Variants in PLEKHG6 observed in about 807,000 individuals in gnomAD.
The protein encoded by PLEKHG6 is pleckstrin homology and RhoGEF domain containing G6.
In PLEKHG6, 91 loss-of-function variants were observed where a neutral mutation model predicts 97.5. The observed-to-expected ratio is 0.93, with a 90% CI of 0.79 to 1.11. PLEKHG6 has a LOEUF of 1.11. Ranked by LOEUF, PLEKHG6 falls within the 50% of genes most tolerant of loss-of-function variation. The pLI is 0.00. For synonymous variants in PLEKHG6, 466 were observed against 425.5 expected (o/e 1.10, Z -1.17); for missense variants, 1,044 against 1,031.0 (o/e 1.01, Z -0.17).
chr12:6,326,323 T>A (rs1346875427), intron 13 of PLEKHG6, 105 bp from the exon 14 acceptor site: 1 of 597,616 alleles, frequency 1.7e-6, no homozygotes, highest in Non-Finnish European at 2.8e-6. Flanking sequence ...ATAATAATAA[T>A]AAAATAAAAT....
Position 6,327,352 on chromosome 12 carries a change from A to C in PLEKHG6, c.1769A>C (p.Tyr590Ser), listed in dbSNP as rs1947894557. The change falls in exon 15 of 16, where the codon TAC becomes TCC. Residue 590 changes from tyrosine (Y) to serine (S), a missense_variant. By Grantham distance (144) the Tyr-to-Ser change is moderately radical. Coordinates refer to ENST00000684764, the MANE Select transcript of PLEKHG6 (RefSeq NM_001384598.1). ...CCAGATGATACCTCAGACTCTGGCT[A>C]CGGCACTTTGATCCCAGGCACCCCC... The part of the protein sequence containing the change: ...LVPDDTSDSG[Y>S]GTLIPGTPTG... 6.2e-7 allele frequency: 1 copy of C among 1,614,072 alleles called. No individual in the cohort carries two copies. Among genetic ancestry groups the C allele is most frequent in the Non-Finnish European group, 8.5e-7 (1 of 1,179,956 alleles).
At chr12:6,324,109 G>A (rs1013881640) in intron 13 of PLEKHG6, among the ~76,000 whole-genome samples, 3 of 152,054 alleles carry the variant, frequency 2.0e-5, no homozygotes, top group African/African-American at 4.8e-5. Context: ...TGGCTTAAGC[G>A]CCAATTTCCT....
chr12:6,311,237 TA>T (rs1947251973), intron 1 of PLEKHG6: 1 of 152,416 alleles, frequency 6.6e-6, no homozygotes, highest in Non-Finnish European at 1.5e-5. Flanking sequence ...CCTCCAGGTT[TA>T]GGGGGGAGGG....
At chr12:6,324,298 C>CT (rs1050918840) in intron 13 of PLEKHG6, among the ~76,000 whole-genome samples, 1 of 145,000 alleles carries the variant, frequency 6.9e-6, no homozygotes, top group Non-Finnish European at 1.5e-5. Flanking sequence ...CCCCTCCCCC[C>CT]CCCGCCGCCT....
chr12:6,313,286 C>A, intron 2 of PLEKHG6: 4 of 1,146,830 alleles, frequency 3.5e-6, no homozygotes, highest in Non-Finnish European at 5.1e-6. Flanking sequence ...TCCATGCACC[C>A]CCCATGGTAC....
chr12:6,318,317 C>T lies in PLEKHG6; in HGVS notation c.1172C>T (p.Ser391Phe), dbSNP rs1947561640. The T allele has an allele frequency of 2.5e-6, 4 of 1,614,010 alleles. No homozygotes were observed. ...DEVEKNLRPF[S>F]TLDLTSPMLG... ...GTCCCTCAGAACCTGCGCCCATTCT[C>T]CACCCTGGACCTGACGTCCCCCATG... The change falls in exon 11 of 16, where the codon TCC (serine) becomes TTC (phenylalanine). Residue 391 changes from serine (S) to phenylalanine (F), a missense_variant. Transcript: ENST00000684764.
chr12:6,319,431 G>A, intron 13 of PLEKHG6: 4 of 1,104,386 alleles, frequency 3.6e-6, no homozygotes, highest in Non-Finnish European at 5.0e-6. Context: ...CTGGGTGACA[G>A]AGTGAGACCC....
intron 13 of PLEKHG6, among the ~76,000 whole-genome samples, chr12:6,323,383 G>C (rs1947761030): frequency 6.6e-6 from 1 of 152,182 alleles, no homozygotes; most frequent in Admixed American, 6.5e-5. Context: ...CACTGAAGAG[G>C]GCAGTAGAAA....
At chr12:6,312,462 C>G in intron 2 of PLEKHG6, 98 bp downstream of exon 2, 1 of 1,327,962 alleles carries the variant, frequency 7.5e-7, no homozygotes, top group Non-Finnish European at 1.0e-6. Flanking sequence ...AGAGGTTGAG[C>G]TATTCCTGCC....
intron 2 of PLEKHG6, chr12:6,312,615 TAGAC>T: frequency 1.5e-6 from 2 of 1,296,866 alleles, no homozygotes; most frequent in South Asian, 2.1e-5. Flanking sequence ...GGAGTGCTGT[TAGAC>T]AGGTCTCAGA....
chr12:6,326,439 G>A lies in PLEKHG6; in HGVS notation c.1536G>A (p.Gln512=). 6.2e-7 allele frequency: 1 copy of A among 1,613,848 alleles called. No individual in the cohort carries two copies. The highest frequency in any genetic ancestry group is 1.1e-5 in the South Asian group (1 of 91,060). Residue 512 remains glutamine (Q), a synonymous_variant, in exon 14 of 16, where the codon CAG becomes CAA. Transcript: ENST00000684764. ...GTGTCCTGTCCCAGGCCGCCCTACAGAAGCTGAAGGCAGAGGAGTATGTTC... is the reference window on the plus strand; with the variant it reads ...GTGTCCTGTCCCAGGCCGCCCTACAAAAGCTGAAGGCAGAGGAGTATGTTC... ...EKTQQAQAAL[Q]KLKAEEYVQQ... is the part of the protein sequence containing the mutation.
intron 1 of PLEKHG6, among the ~76,000 whole-genome samples, chr12:6,311,719 C>A (rs1044132667): frequency 2.6e-5 from 4 of 152,014 alleles, no homozygotes; most frequent in African/African-American, 7.3e-5. Flanking sequence ...CTGTCTCCAG[C>A]CACCCCCACT....
At chr12:6,317,112 G>A (rs1469716266) in intron 7 of PLEKHG6, among the ~76,000 whole-genome samples, 191 bp from the exon 8 acceptor site, 1 of 152,210 alleles carries the variant, frequency 6.6e-6, no homozygotes, top group East Asian at 1.9e-4. Flanking sequence ...AGGCTCCTTC[G>A]TGGAATCCAG....
intron 13 of PLEKHG6, 117 bp from the exon 14 acceptor site, chr12:6,326,311 T>A (rs372904408): frequency 1.3e-4 from 22 of 174,724 alleles, no homozygotes; most frequent in Non-Finnish European, 1.3e-4. Context: ...TCTCAAAAAA[T>A]AATAATAATA....
chr12:6,314,637 A>C lies in PLEKHG6; in HGVS notation c.295-368A>C, dbSNP rs539507837. On this transcript the variant is annotated intron_variant, in intron 3 of 15. Transcript: ENST00000684764. ...CTAAGTCTTGTTCTGATTCACTTGA[A>C]GGTCCCTCTGAAGTGTCTGTTTCTG... Among the ~76,000 whole-genome samples, 4 of 152,322 alleles carry C rather than the reference A, an allele frequency of 2.6e-5. No individual in the cohort carries two copies. In the South Asian group the frequency reaches 8.3e-4, roughly 32 times the overall value.
intron 13 of PLEKHG6, among the ~76,000 whole-genome samples, chr12:6,324,867 T>C (rs78822356): frequency 0.03 from 4,592 of 152,174 alleles, 232 homozygotes; most frequent in African/African-American, 0.11. Context: ...GGGGAGATAG[T>C]GGAAATATTT....
In PLEKHG6 at chr12:6,326,351, G is replaced by A. The variant is rs149692764; in HGVS notation, c.1525-77G>A. Reference sequence around the variant, plus strand: ...AATAAAATAAGGTAATATATGTAACGCACTTAGCAGGGTGCCTGGCAAACA... The same window carrying A: ...AATAAAATAAGGTAATATATGTAACACACTTAGCAGGGTGCCTGGCAAACA... On this transcript the variant is annotated intron_variant, in intron 13 of 15. Coordinates refer to ENST00000684764, the MANE Select transcript of PLEKHG6 (RefSeq NM_001384598.1). 1,035 of 948,744 alleles carry A rather than the reference G, an allele frequency of 1.1e-3. 4 individuals carry two copies. The African/African-American group carries it at 0.015, about 14-fold the overall frequency. The allele number at this position is 948,744 out of a possible 1,614,324, so 58.8% of individuals were successfully genotyped here. A position where few individuals can be genotyped will look rare whatever the true frequency, so the allele number is the denominator to read the frequency against.
At chr12:6,311,298 T>G (rs992412985) in intron 1 of PLEKHG6, among the ~76,000 whole-genome samples, 4 of 152,176 alleles carry the variant, frequency 2.6e-5, no homozygotes, top group Non-Finnish European at 5.9e-5. Context: ...TCCCAGAGTC[T>G]GGGGAGGACC....
chr12:6,327,336 A>G lies in PLEKHG6; in HGVS notation c.1753A>G (p.Thr585Ala). 6.2e-7 allele frequency: 1 copy of G among 1,613,764 alleles called. No individual in the cohort carries two copies. Among genetic ancestry groups the G allele is most frequent in the Non-Finnish European group, 8.5e-7 (1 of 1,179,738 alleles). ...DEDAPLVPDD[T>A]SDSGYGTLIP... is the part of the protein sequence containing the mutation. Reference sequence around the variant, plus strand: ...AGATGCTCCCCTTGTGCCAGATGATACCTCAGACTCTGGCTACGGCACTTT... The same window carrying G: ...AGATGCTCCCCTTGTGCCAGATGATGCCTCAGACTCTGGCTACGGCACTTT... Residue 585 changes from threonine to alanine, a missense_variant, in exon 15 of 16, where the codon ACC (threonine) becomes GCC (alanine). Coordinates refer to ENST00000684764, the MANE Select transcript of PLEKHG6 (RefSeq NM_001384598.1).
Sources: allele counts gnomAD v4.1 joint callset (sites outside exome capture counted in the v4.1 genomes callset), GRCh38; gene constraint gnomAD v4.1.1; transcripts MANE v1.5; gene names NCBI Gene and HGNC (gene_info 2026-07-23, HGNC 2026-07-21).